The following GPM6A variants were observed in gnomAD, a reference collection of about 807,000 sequenced individuals.
GPM6A encodes the protein neuronal membrane glycoprotein M6-a.
A neutral mutation model predicts 32.1 loss-of-function variants in GPM6A; 7 were observed. That is an observed-to-expected ratio of 0.22 (90% CI 0.12 to 0.41). GPM6A has a LOEUF of 0.41. GPM6A is among the 10% of genes least tolerant of loss of function. GPM6A has a pLI of 1.00. For synonymous variants in GPM6A, 130 were observed against 123.4 expected (o/e 1.05, Z -0.35); for missense variants, 235 against 347.2 (o/e 0.68, Z 2.57).
intron 1 of GPM6A, among the ~76,000 whole-genome samples, chr4:175,975,498 A>G (rs1740631068): frequency 6.6e-6 from 1 of 152,352 alleles, no homozygotes; most frequent in South Asian, 2.1e-4. Context: ...TAGTAGGTAT[A>G]TGATGGTCAT....
At chr4:175,708,585 C>T (rs1178261097) in intron 1 of GPM6A, among the ~76,000 whole-genome samples, 4 of 151,936 alleles carry the variant, frequency 2.6e-5, no homozygotes, top group African/African-American at 7.3e-5. Context: ...TGGGGTTTCA[C>T]TATGCTGTCC....
At chr4:175,942,927 G>A (rs1248131546) in intron 1 of GPM6A, among the ~76,000 whole-genome samples, 1 of 151,812 alleles carries the variant, frequency 6.6e-6, no homozygotes, top group African/African-American at 2.4e-5. Context: ...GAAAGTTAAT[G>A]GTATCTTGAT....
At chr4:175,637,737 T>A (rs1405049226) in intron 6 of GPM6A, among the ~76,000 whole-genome samples, 3 of 45,950 alleles carry the variant, frequency 6.5e-5, no homozygotes, top group Admixed American at 6.7e-4. Context: ...TATTATATAT[T>A]ATATAAAAAT....
intron 1 of GPM6A, among the ~76,000 whole-genome samples, chr4:175,775,177 C>T (rs1251026726): frequency 1.3e-5 from 2 of 152,066 alleles, no homozygotes; most frequent in South Asian, 2.1e-4. Flanking sequence ...ATAGAAGAAG[C>T]ATCTCCAAAA....
At chr4:175,896,946 T>G (rs940332081) in intron 1 of GPM6A, among the ~76,000 whole-genome samples, 3 of 152,116 alleles carry the variant, frequency 2.0e-5, no homozygotes, top group African/African-American at 7.2e-5. Flanking sequence ...ATTATTATAT[T>G]CACTGAAAAT....
chr4:175,830,901 GA>G (rs1404537007), intron 1 of GPM6A, among the ~76,000 whole-genome samples: 10 of 149,616 alleles, frequency 6.7e-5, no homozygotes, highest in East Asian at 1.9e-4. Flanking sequence ...CTGGGTTGGG[GA>G]AAAAAAAAGG....
chr4:175,918,332 C>T (rs777765968), intron 1 of GPM6A, among the ~76,000 whole-genome samples: 32 of 152,046 alleles, frequency 2.1e-4, no homozygotes, highest in South Asian at 1.7e-3. Flanking sequence ...GCTGATAAAG[C>T]GGGCAGCAGC....
At chr4:175,850,637 T>G (rs1736224645) in intron 1 of GPM6A, among the ~76,000 whole-genome samples, 1 of 151,966 alleles carries the variant, frequency 6.6e-6, no homozygotes. Context: ...ATAAATAATC[T>G]CAGGTGGAAT....
chr4:175,936,121 C>T (rs928680518), intron 1 of GPM6A, among the ~76,000 whole-genome samples: 15 of 151,188 alleles, frequency 9.9e-5, no homozygotes, highest in African/African-American at 2.2e-4. Flanking sequence ...CTGGCTAACA[C>T]GGTGAAACCC....
At position 175,639,472 on chromosome 4, in the gene GPM6A, C is replaced by T. The variant is rs571848205; in HGVS notation, c.684+657G>A. On this transcript the variant is annotated intron_variant, in intron 6 of 6. Coordinates refer to ENST00000393658, the MANE Select transcript of GPM6A (RefSeq NM_201591.3). ...TCATCCTCAAGGATACAAACAAAGA[C>T]TGAAGATATTGGCTGCAAAAGCTAT... Among the ~76,000 whole-genome samples the T allele has an allele frequency of 1.5e-4, 23 of 152,258 alleles. No homozygotes were observed. In the South Asian group the frequency reaches 4.1e-3, roughly 27 times the overall value.
chr4:175,791,569 T>TA (rs1734014931), intron 1 of GPM6A, among the ~76,000 whole-genome samples: 1 of 152,206 alleles, frequency 6.6e-6, no homozygotes, highest in Admixed American at 6.5e-5. Flanking sequence ...TTTGCATATT[T>TA]AAAATTGAAC....
intron 2 of GPM6A, among the ~76,000 whole-genome samples, chr4:175,696,521 A>T (rs1744587999): frequency 6.6e-6 from 1 of 152,166 alleles, no homozygotes; most frequent in South Asian, 2.1e-4. Context: ...AATGCACACT[A>T]TTTATTATTT....
intron 2 of GPM6A, among the ~76,000 whole-genome samples, chr4:175,679,344 T>C (rs145498905): frequency 6.1e-4 from 93 of 152,278 alleles, no homozygotes; most frequent in Non-Finnish European, 1.1e-3. Flanking sequence ...ATTGTGCTCC[T>C]GTCAGGGTAT....
chr4:175,701,365 G>A (rs1040446727), intron 2 of GPM6A, among the ~76,000 whole-genome samples: 1 of 152,122 alleles, frequency 6.6e-6, no homozygotes, highest in Non-Finnish European at 1.5e-5. Flanking sequence ...GTTAAGTCCT[G>A]ATTAAGTCGG....
chr4:175,879,887 C>G (rs1259931438), intron 1 of GPM6A, among the ~76,000 whole-genome samples: 2 of 151,900 alleles, frequency 1.3e-5, no homozygotes, highest in African/African-American at 4.8e-5. Flanking sequence ...AAACACCCAC[C>G]AAGTTAAGCA....
intron 1 of GPM6A, among the ~76,000 whole-genome samples, chr4:175,819,467 T>C (rs772498649): frequency 3.9e-5 from 6 of 152,192 alleles, no homozygotes; most frequent in Non-Finnish European, 7.3e-5. Context: ...GGTGCAATTA[T>C]ATTAATATTA....
chr4:175,944,266 G>C (rs777955020), intron 1 of GPM6A, among the ~76,000 whole-genome samples: 6 of 152,120 alleles, frequency 3.9e-5, no homozygotes, highest in Non-Finnish European at 7.4e-5. Context: ...TGTGGCCTAA[G>C]ATATGCAAAG....
At chr4:175,777,030 T>G (rs981110447) in intron 1 of GPM6A, among the ~76,000 whole-genome samples, 17 of 152,226 alleles carry the variant, frequency 1.1e-4, no homozygotes, top group African/African-American at 4.1e-4. Context: ...TAACAGACAT[T>G]TATAAATTCC....
At chr4:175,954,700 G>A (rs1739927922) in intron 1 of GPM6A, among the ~76,000 whole-genome samples, 1 of 152,182 alleles carries the variant, frequency 6.6e-6, no homozygotes, top group Non-Finnish European at 1.5e-5. Context: ...CCGTGTCTTA[G>A]CCTTTGTAGT....
Sources: gnomAD v4.1 joint callset for allele counts (sites outside exome capture counted in the v4.1 genomes callset) on GRCh38, gnomAD v4.1.1 for gene constraint, MANE v1.5 for transcripts, NCBI Gene and HGNC (gene_info 2026-07-23, HGNC 2026-07-21) for gene names.